CACNA2D1: variants seen among roughly 807,000 people sequenced by gnomAD.
CACNA2D1 encodes the protein calcium voltage-gated channel auxiliary subunit alpha2delta 1.
Under a neutral mutation model 171.5 loss-of-function variants are expected in CACNA2D1, and 53 were observed. The observed-to-expected ratio is 0.31, with a 90% CI of 0.25 to 0.39. The LOEUF is 0.39. Ranked by LOEUF, CACNA2D1 falls within the 10% of genes least tolerant of loss-of-function variation. CACNA2D1 has a pLI of 1.00. For missense variants in CACNA2D1, 903 were observed against 1,299.8 expected (o/e 0.69, Z 4.69); for synonymous variants, 442 against 443.1 (o/e 1.00, Z 0.03).
intron 1 of CACNA2D1, among the ~76,000 whole-genome samples, chr7:82,404,533 A>G (rs1826807009): frequency 6.6e-6 from 1 of 152,216 alleles, no homozygotes; most frequent in Non-Finnish European, 1.5e-5. Flanking sequence ...GAAGGGGTCA[A>G]GGTTGAAATG....
At chr7:82,117,588 C>G (rs1038352161) in intron 5 of CACNA2D1, among the ~76,000 whole-genome samples, 1 of 152,156 alleles carries the variant, frequency 6.6e-6, no homozygotes. Context: ...GAGTTCTAGA[C>G]TAGCCCAGGC....
At chr7:81,985,688 A>C (rs1330767927) in intron 21 of CACNA2D1, among the ~76,000 whole-genome samples, 1 of 152,164 alleles carries the variant, frequency 6.6e-6, no homozygotes, top group Non-Finnish European at 1.5e-5. Context: ...CATAGTATTT[A>C]TTTCAAGTTT....
chr7:81,982,357 G>A (rs980623751), intron 24 of CACNA2D1, among the ~76,000 whole-genome samples: 1 of 152,098 alleles, frequency 6.6e-6, no homozygotes, highest in Non-Finnish European at 1.5e-5. Context: ...TTGATCTTTT[G>A]ACCTTGTGAT....
At chr7:82,038,022 T>C (rs1282563922) in intron 11 of CACNA2D1, 55 bp downstream of exon 11, 1 of 1,550,448 alleles carries the variant, frequency 6.4e-7, no homozygotes, top group South Asian at 1.1e-5. Flanking sequence ...AATATTGAAA[T>C]TCAGATACTA....
chr7:82,124,133 A>G (rs1313424279), intron 5 of CACNA2D1, among the ~76,000 whole-genome samples: 5 of 152,180 alleles, frequency 3.3e-5, no homozygotes, highest in African/African-American at 1.2e-4. Flanking sequence ...AATTGAAATA[A>G]AGATTGCAAA....
chr7:82,089,380 T>C (rs1304333621), intron 6 of CACNA2D1, among the ~76,000 whole-genome samples: 1 of 152,182 alleles, frequency 6.6e-6, no homozygotes, highest in Non-Finnish European at 1.5e-5. Flanking sequence ...GAAATGAAGA[T>C]CTTTATCCCT....
intron 6 of CACNA2D1, among the ~76,000 whole-genome samples, chr7:82,111,379 T>TATGTGTATATATGTATATATATATTC (rs1304954187): frequency 1.1e-4 from 13 of 113,112 alleles, no homozygotes; most frequent in South Asian, 3.2e-4. Context: ...TATATATTCA[T>TATGTGTATATATGTATATATATATTC]ATATGTGTAT....
At chr7:82,303,187 C>T (rs999107474) in intron 3 of CACNA2D1, among the ~76,000 whole-genome samples, 1 of 152,034 alleles carries the variant, frequency 6.6e-6, no homozygotes, top group Middle Eastern at 3.4e-3. Flanking sequence ...TTAGTAGAGA[C>T]GGGATTTCAC....
At chr7:82,078,245 G>C (rs1809251547) in intron 7 of CACNA2D1, among the ~76,000 whole-genome samples, 1 of 152,140 alleles carries the variant, frequency 6.6e-6, no homozygotes, top group Non-Finnish European at 1.5e-5. Flanking sequence ...CGGAGATGAA[G>C]TAGATTTTTA....
intron 5 of CACNA2D1, among the ~76,000 whole-genome samples, chr7:82,117,554 G>A (rs562233422): frequency 6.6e-6 from 1 of 152,248 alleles, no homozygotes; most frequent in East Asian, 1.9e-4. Flanking sequence ...GGGAGGAAGA[G>A]GGGGGCAGAT....
intron 1 of CACNA2D1, among the ~76,000 whole-genome samples, chr7:82,426,117 C>T (rs911826928): frequency 4.7e-5 from 7 of 148,338 alleles, no homozygotes; most frequent in South Asian, 2.2e-4. Context: ...GGTGACAGAG[C>T]GAGACTCTGC....
chr7:82,288,422 TACACACACACACAC>T (rs3054677), intron 3 of CACNA2D1, among the ~76,000 whole-genome samples: 3 of 147,380 alleles, frequency 2.0e-5, no homozygotes, highest in East Asian at 2.1e-4. Context: ...TTTGCTTCTA[TACACACACACACAC>T]ACACACACAC....
chr7:82,177,068 A>ATTTTTTTTTT (rs1181991934), intron 3 of CACNA2D1, among the ~76,000 whole-genome samples: 1 of 55,230 alleles, frequency 1.8e-5, no homozygotes, highest in African/African-American at 8.3e-5. Flanking sequence ...ACAGGTCTCT[A>ATTTTTTTTTT]TTTTTTTTTT....
At chr7:81,993,177 G>T (rs1797718470) in intron 20 of CACNA2D1, among the ~76,000 whole-genome samples, 1 of 151,990 alleles carries the variant, frequency 6.6e-6, no homozygotes, top group South Asian at 2.1e-4. Flanking sequence ...TGAAAGACAT[G>T]ACCATGAAAA....
At chr7:82,023,452 G>C (rs1284593537) in intron 12 of CACNA2D1, among the ~76,000 whole-genome samples, 5 of 151,710 alleles carry the variant, frequency 3.3e-5, no homozygotes, top group Non-Finnish European at 1.5e-5. Flanking sequence ...CTCTCCAATT[G>C]TAACTCATCA....
intron 1 of CACNA2D1, among the ~76,000 whole-genome samples, chr7:82,380,687 T>C (rs1420544371): frequency 2.0e-5 from 3 of 151,960 alleles, no homozygotes; most frequent in African/African-American, 7.3e-5. Context: ...TCATTTACTG[T>C]GTATGTGTAT....
intron 4 of CACNA2D1, among the ~76,000 whole-genome samples, chr7:82,140,514 A>C (rs1792239574): frequency 6.6e-6 from 1 of 152,208 alleles, no homozygotes; most frequent in Admixed American, 6.5e-5. Flanking sequence ...CAGGAGTTGG[A>C]GAAACTAACT....
intron 10 of CACNA2D1, among the ~76,000 whole-genome samples, chr7:82,055,513 G>C (rs928738191): frequency 1.3e-4 from 20 of 151,604 alleles, no homozygotes; most frequent in African/African-American, 1.7e-4. Context: ...GGAACCAACC[G>C]AAATGTCCAA....
intron 19 of CACNA2D1, among the ~76,000 whole-genome samples, chr7:81,996,632 TATATC>T (rs1423993198): frequency 5.4e-5 from 8 of 149,212 alleles, no homozygotes; most frequent in African/African-American, 2.0e-4. Context: ...ATGACTAACA[TATATC>T]ATATAATGTT....
Sources: allele counts gnomAD v4.1 joint callset (sites outside exome capture counted in the v4.1 genomes callset), GRCh38; gene constraint gnomAD v4.1.1; transcripts MANE v1.5; gene names NCBI Gene and HGNC (gene_info 2026-07-23, HGNC 2026-07-21).